The following TMEM178B variants were observed in gnomAD, a reference collection of about 807,000 sequenced individuals.
The protein encoded by TMEM178B is transmembrane protein 178B.
In TMEM178B, 5 loss-of-function variants were observed where a neutral mutation model predicts 31.0. The ratio of observed to expected loss-of-function variants is 0.16; its 90% CI spans 0.08 to 0.34. The LOEUF (loss-of-function observed/expected upper bound fraction) is 0.34. Ranked by LOEUF, TMEM178B falls within the 10% of genes least tolerant of loss-of-function variation. The probability of loss-of-function intolerance (pLI) is 1.00; values close to 1 mark genes in which losing one functional copy is unlikely to be tolerated. For synonymous variants in TMEM178B, 164 were observed against 164.0 expected (o/e 1.00, Z 0.00); for missense variants, 275 against 400.3 (o/e 0.69, Z 2.67).
intron 2 of TMEM178B, among the ~76,000 whole-genome samples, chr7:141,432,146 C>CTTTTTTTTTTTTTTTTTTTT (rs71170797): frequency 1.9e-4 from 15 of 79,082 alleles, no homozygotes; most frequent in African/African-American, 6.1e-4. Context: ...TTCACTGCAT[C>CTTTTTTTTTTTTTTTTTTTT]TTTTTTTTTT....
the TMEM178B span, among the ~76,000 whole-genome samples, chr7:141,499,250 G>T: frequency 6.6e-6 from 1 of 152,104 alleles, no homozygotes; most frequent in Non-Finnish European, 1.5e-5. Context: ...ATTTCTAGCT[G>T]TTGGTTGATT....
chr7:141,317,485 T>G (rs1799025348), intron 2 of TMEM178B, among the ~76,000 whole-genome samples: 1 of 152,150 alleles, frequency 6.6e-6, no homozygotes, highest in Non-Finnish European at 1.5e-5. Flanking sequence ...TTAATTAGCG[T>G]AAACAACTTA....
At chr7:141,191,201 G>A (rs1426020772) in intron 1 of TMEM178B, among the ~76,000 whole-genome samples, 4 of 152,142 alleles carry the variant, frequency 2.6e-5, no homozygotes, top group Non-Finnish European at 5.9e-5. Flanking sequence ...AAAGCGTCTT[G>A]TCTATTTTTA....
intron 2 of TMEM178B, among the ~76,000 whole-genome samples, chr7:141,256,959 G>A (rs930020948): frequency 1.3e-5 from 2 of 152,130 alleles, no homozygotes; most frequent in Non-Finnish European, 2.9e-5. Context: ...GAGTTGAGGG[G>A]AACAGGATCA....
At chr7:141,164,458 A>G (rs1203896036) in intron 1 of TMEM178B, among the ~76,000 whole-genome samples, 1 of 152,164 alleles carries the variant, frequency 6.6e-6, no homozygotes, top group African/African-American at 2.4e-5. Context: ...CTGGACTGGG[A>G]CAGGACTTGG....
At chr7:141,281,859 G>C (rs1334531348) in intron 2 of TMEM178B, among the ~76,000 whole-genome samples, 1 of 152,176 alleles carries the variant, frequency 6.6e-6, no homozygotes, top group Non-Finnish European at 1.5e-5. Context: ...CAGGCCTGGG[G>C]GCCCAGTCAA....
At chr7:141,298,711 C>T (rs2116436662) in intron 2 of TMEM178B, among the ~76,000 whole-genome samples, 1 of 152,312 alleles carries the variant, frequency 6.6e-6, no homozygotes, top group Admixed American at 6.5e-5. Flanking sequence ...TTTCTAGTAC[C>T]TCTTAGAGGG....
At chr7:141,384,476 C>G (rs1243289743) in intron 2 of TMEM178B, among the ~76,000 whole-genome samples, 1 of 152,252 alleles carries the variant, frequency 6.6e-6, no homozygotes, top group East Asian at 1.9e-4. Flanking sequence ...ATAGGGAATC[C>G]TTTCCCCATT....
chr7:141,464,868 C>T (rs566211705), intron 3 of TMEM178B, among the ~76,000 whole-genome samples: 1 of 152,276 alleles, frequency 6.6e-6, no homozygotes, highest in East Asian at 1.9e-4. Context: ...GCACTGCTTA[C>T]AGCCAGTGTG....
chr7:141,305,035 CCA>C (rs1798792810), intron 2 of TMEM178B, among the ~76,000 whole-genome samples: 2 of 152,186 alleles, frequency 1.3e-5, no homozygotes, highest in Admixed American at 1.3e-4. Flanking sequence ...TATTTCCACT[CCA>C]CACTGTCCTA....
chr7:141,257,445 T>C (rs1797945382), intron 2 of TMEM178B, among the ~76,000 whole-genome samples: 1 of 152,254 alleles, frequency 6.6e-6, no homozygotes, highest in Admixed American at 6.5e-5. Context: ...AAATTCAAGT[T>C]ATGTCATGTT....
chr7:141,154,840 C>T (rs1796041649), intron 1 of TMEM178B, among the ~76,000 whole-genome samples: 1 of 152,030 alleles, frequency 6.6e-6, no homozygotes, highest in Non-Finnish European at 1.5e-5. Context: ...AACGATTCTC[C>T]TGCCTTAGCC....
At chr7:141,201,977 G>T (rs1796885638) in intron 1 of TMEM178B, among the ~76,000 whole-genome samples, 1 of 152,190 alleles carries the variant, frequency 6.6e-6, no homozygotes, top group South Asian at 2.1e-4. Context: ...GCGTACTTAA[G>T]AGTGTGTTAG....
At chr7:141,216,958 A>G (rs1270505950) in intron 2 of TMEM178B, among the ~76,000 whole-genome samples, 4 of 152,054 alleles carry the variant, frequency 2.6e-5, no homozygotes, top group Non-Finnish European at 5.9e-5. Flanking sequence ...GGGACAGGCA[A>G]GTGTCACTGG....
chr7:141,429,471 T>C (rs1801383119), intron 2 of TMEM178B, among the ~76,000 whole-genome samples: 1 of 152,214 alleles, frequency 6.6e-6, no homozygotes, highest in South Asian at 2.1e-4. Flanking sequence ...CTCACTCATA[T>C]GTGGAATCTA....
chr7:141,504,547 T>G, the TMEM178B span, among the ~76,000 whole-genome samples: 161 of 152,322 alleles, frequency 1.1e-3, no homozygotes, highest in Non-Finnish European at 1.5e-3. Context: ...GTCTAATAAA[T>G]TTGCTAAAGC....
At chr7:141,206,177 A>G (rs1481737315) in intron 1 of TMEM178B, among the ~76,000 whole-genome samples, 1 of 152,194 alleles carries the variant, frequency 6.6e-6, no homozygotes, top group Non-Finnish European at 1.5e-5. Context: ...GTGAGTTGTC[A>G]TGCTATGTTT....
chr7:141,348,490 A>T (rs1799657268), intron 2 of TMEM178B, among the ~76,000 whole-genome samples: 1 of 152,166 alleles, frequency 6.6e-6, no homozygotes, highest in African/African-American at 2.4e-5. Flanking sequence ...GAAGAAGGAG[A>T]CCATCTCTGG....
At chr7:141,234,274 G>A (rs1014047289) in intron 2 of TMEM178B, among the ~76,000 whole-genome samples, 2 of 152,204 alleles carry the variant, frequency 1.3e-5, no homozygotes, top group African/African-American at 2.4e-5. Flanking sequence ...ATGAAACATG[G>A]GGAGGAGAGA....
Sources: gnomAD v4.1 joint callset for allele counts (sites outside exome capture counted in the v4.1 genomes callset) on GRCh38, gnomAD v4.1.1 for gene constraint, MANE v1.5 for transcripts, NCBI Gene and HGNC (gene_info 2026-07-23, HGNC 2026-07-21) for gene names.